The following FILIP1L variants were observed in gnomAD, a reference collection of about 807,000 sequenced individuals.
The protein encoded by FILIP1L is filamin A-interacting protein 1-like.
FILIP1L carries 55 observed loss-of-function variants against 96.6 expected under a neutral mutation model. The ratio of observed to expected loss-of-function variants is 0.57; its 90% CI spans 0.46 to 0.71. The LOEUF is 0.71. Ranked by LOEUF, FILIP1L falls within the 30% of genes least tolerant of loss-of-function variation. FILIP1L has a pLI of 0.00. For synonymous variants in FILIP1L, 467 were observed against 473.9 expected (o/e 0.99, Z 0.19); for missense variants, 1,304 against 1,321.2 (o/e 0.99, Z 0.20).
At chr3:99,926,612 A>G (rs1707301119) in intron 3 of FILIP1L, among the ~76,000 whole-genome samples, 1 of 152,260 alleles carries the variant, frequency 6.6e-6, no homozygotes, top group South Asian at 2.1e-4. Context: ...CAAGATTGAC[A>G]TTAGAATTAA....
At position 100,021,744 on chromosome 3, in the gene FILIP1L, T is replaced by A. The variant is rs557129340; in HGVS notation, c.-10-90714A>T. Among the ~76,000 whole-genome samples, 52 of 152,314 alleles carry A rather than the reference T, an allele frequency of 3.4e-4. 2 individuals are homozygous for A. In the South Asian group the frequency reaches 0.011, roughly 31 times the overall value. ...AAAGCTTTGTAAAGGGAACCTCCCC[T>A]TCCTCAGCCTACCCTTAACTTGCAT... On this transcript the variant is annotated intron_variant, in intron 1 of 5. Coordinates refer to ENST00000477258, the MANE Select transcript of FILIP1L (RefSeq NM_001387850.1).
chr3:99,884,196 A>G (rs1015501303), intron 4 of FILIP1L, among the ~76,000 whole-genome samples: 7 of 152,170 alleles, frequency 4.6e-5, no homozygotes, highest in Non-Finnish European at 7.4e-5. Context: ...GTGCTTTTTT[A>G]CTGAAGAATT....
At chr3:100,074,467 A>C (rs2065814414) in intron 1 of FILIP1L, among the ~76,000 whole-genome samples, 1 of 151,174 alleles carries the variant, frequency 6.6e-6, no homozygotes, top group Non-Finnish European at 1.5e-5. Context: ...TTTCTGCTAC[A>C]TTTTTCTCTG....
At chr3:99,847,013 A>G (rs918725117) in intron 5 of FILIP1L, among the ~76,000 whole-genome samples, 1 of 152,226 alleles carries the variant, frequency 6.6e-6, no homozygotes, top group Non-Finnish European at 1.5e-5. Context: ...AGGGACTCCC[A>G]TGAGGCAGAT....
intron 4 of FILIP1L, among the ~76,000 whole-genome samples, chr3:99,864,653 C>T (rs1043936763): frequency 6.6e-6 from 1 of 152,042 alleles, no homozygotes; most frequent in East Asian, 1.9e-4. Flanking sequence ...GCTTTCTGCT[C>T]CACCCACTTG....
chr3:99,835,130 C>T lies in FILIP1L; in HGVS notation c.3382-4525G>A, dbSNP rs563934914. On this transcript the variant is annotated intron_variant, in intron 5 of 5. Coordinates refer to ENST00000477258, the MANE Select transcript of FILIP1L (RefSeq NM_001387850.1). ...CTGCTTTATCTCTCAACTTTCCTCT[C>T]TCTCCAATTATTTATAGGCAATATG... Among the ~76,000 whole-genome samples, 5 of 152,294 alleles carry T rather than the reference C, an allele frequency of 3.3e-5. No individual in the cohort carries two copies. The East Asian group carries it at 9.6e-4, about 29-fold the overall frequency.
intron 4 of FILIP1L, among the ~76,000 whole-genome samples, chr3:99,853,788 T>C (rs561650525): frequency 1.3e-5 from 2 of 152,316 alleles, no homozygotes; most frequent in East Asian, 1.9e-4. Flanking sequence ...GCCACTCTCA[T>C]GAGCGCACCA....
At chr3:99,858,245 C>T (rs1166546204) in intron 4 of FILIP1L, among the ~76,000 whole-genome samples, 1 of 152,048 alleles carries the variant, frequency 6.6e-6, no homozygotes, top group Non-Finnish European at 1.5e-5. Context: ...GCAGGCGGAT[C>T]ATGAGGTGAG....
At chr3:99,905,029 C>T (rs1257998350) in intron 4 of FILIP1L, among the ~76,000 whole-genome samples, 2 of 152,218 alleles carry the variant, frequency 1.3e-5, no homozygotes, top group African/African-American at 4.8e-5. Flanking sequence ...CTGACTTCAT[C>T]CTCTGCCACT....
chr3:100,091,644 T>C (rs987957667), intron 1 of FILIP1L, among the ~76,000 whole-genome samples: 3 of 152,244 alleles, frequency 2.0e-5, no homozygotes, highest in African/African-American at 7.2e-5. Context: ...CCACATAATC[T>C]TTTTATCTGC....
chr3:99,926,946 T>A (rs992780762), intron 3 of FILIP1L, among the ~76,000 whole-genome samples: 13 of 152,144 alleles, frequency 8.5e-5, no homozygotes, highest in African/African-American at 3.1e-4. Context: ...TCTGTCCTCA[T>A]CACTGACAGC....
chr3:100,088,841 G>A (rs1019956089), intron 1 of FILIP1L, among the ~76,000 whole-genome samples: 1 of 151,858 alleles, frequency 6.6e-6, no homozygotes, highest in Non-Finnish European at 1.5e-5. Flanking sequence ...CTTTCTCTGG[G>A]TAGTATTTAT....
At chr3:99,885,297 G>T (rs1159421756) in intron 4 of FILIP1L, among the ~76,000 whole-genome samples, 1 of 152,178 alleles carries the variant, frequency 6.6e-6, no homozygotes, top group African/African-American at 2.4e-5. Flanking sequence ...TGGGGACCTG[G>T]TGTTGACTCT....
At position 99,988,474 on chromosome 3, in the gene FILIP1L, T is replaced by C. The variant is rs531000256; in HGVS notation, c.-10-57444A>G. On this transcript the variant is annotated intron_variant, in intron 1 of 5. Transcript: ENST00000477258. ...TTGCAGTGAGCCGAGATCATGCCAC[T>C]GCACTCCAGCCTGGGCGACAGAGCG... Among the ~76,000 whole-genome samples the C allele has an allele frequency of 1.7e-4, 22 of 131,080 alleles. 2 individuals carry two copies. In the South Asian group the frequency reaches 3.0e-3, roughly 18 times the overall value. The allele number at this position is 131,080 out of a possible 152,430, so 86.0% of individuals were successfully genotyped here.
chr3:100,034,263 G>A (rs2065070110), intron 1 of FILIP1L, among the ~76,000 whole-genome samples: 2 of 152,174 alleles, frequency 1.3e-5, no homozygotes, highest in Admixed American at 1.3e-4. Flanking sequence ...AAAAGCTGCA[G>A]CCAGGGGACA....
At chr3:100,081,911 C>G (rs1451895790) in intron 1 of FILIP1L, among the ~76,000 whole-genome samples, 1 of 152,146 alleles carries the variant, frequency 6.6e-6, no homozygotes, top group Non-Finnish European at 1.5e-5. Flanking sequence ...TTAAAAATGT[C>G]TCCAGACACT....
intron 1 of FILIP1L, among the ~76,000 whole-genome samples, chr3:99,954,908 A>G (rs987563349): frequency 6.6e-6 from 1 of 152,248 alleles, no homozygotes; most frequent in Non-Finnish European, 1.5e-5. Flanking sequence ...GCTAAGCACC[A>G]CGTCTGGCAT....
chr3:99,996,083 G>A (rs536927079), intron 1 of FILIP1L, among the ~76,000 whole-genome samples: 1 of 152,292 alleles, frequency 6.6e-6, no homozygotes, highest in African/African-American at 2.4e-5. Flanking sequence ...TTGTTAGGCT[G>A]CAAATTTTCC....
chr3:100,064,531 T>G (rs921816753), intron 1 of FILIP1L, among the ~76,000 whole-genome samples: 3 of 152,192 alleles, frequency 2.0e-5, no homozygotes, highest in Non-Finnish European at 4.4e-5. Context: ...ATTCTTTATG[T>G]TTTGACAAAT....
Sources: gnomAD v4.1 joint callset for allele counts (sites outside exome capture counted in the v4.1 genomes callset) on GRCh38, gnomAD v4.1.1 for gene constraint, MANE v1.5 for transcripts, NCBI Gene and HGNC (gene_info 2026-07-23, HGNC 2026-07-21) for gene names.